Variants in GNG2 observed in about 807,000 individuals in gnomAD.
GNG2 encodes the protein G protein subunit gamma 2.
GNG2 carries 5 observed loss-of-function variants against 5.5 expected under a neutral mutation model. The observed-to-expected ratio is 0.91, with a 90% CI of 0.48 to 1.92. GNG2 has a LOEUF of 1.92. GNG2 is among the 30% of genes most tolerant of loss of function. GNG2 has a pLI of 0.01. For missense variants in GNG2, 55 were observed against 88.4 expected (o/e 0.62, Z 1.52); for synonymous variants, 28 against 32.0 (o/e 0.88, Z 0.42).
At chr14:51,879,106 G>A (rs1387084213) in intron 2 of GNG2, among the ~76,000 whole-genome samples, 4 of 152,202 alleles carry the variant, frequency 2.6e-5, no homozygotes, top group African/African-American at 4.8e-5. Flanking sequence ...GTGAACTACC[G>A]TGTCTTTGCA....
Position 51,879,291 on chromosome 14 carries a change from G to A in GNG2, c.-30+1634G>A, listed in dbSNP as rs998600645. ...GTAAAAGGAAGTATTGTTCTGTACT[G>A]TCAGGGGGATTTTGAGTATATTTGG... On this transcript the variant is annotated intron_variant, in intron 2 of 3. Coordinates refer to ENST00000556766, the MANE Select transcript of GNG2 (RefSeq NM_053064.5). 2.6e-5 allele frequency among the ~76,000 whole-genome samples: 4 copies of A among 152,194 alleles called. No homozygotes were observed. In the South Asian group the frequency reaches 8.3e-4, roughly 32 times the overall value.
intron 2 of GNG2, among the ~76,000 whole-genome samples, chr14:51,935,743 G>A (rs1257511485): frequency 6.6e-6 from 1 of 152,092 alleles, no homozygotes; most frequent in Non-Finnish European, 1.5e-5. Context: ...AGGAAGCCTG[G>A]CACCGGCATC....
intron 2 of GNG2, among the ~76,000 whole-genome samples, chr14:51,847,670 T>TGAG (rs1401375162): frequency 2.0e-4 from 31 of 151,978 alleles, no homozygotes; most frequent in Non-Finnish European, 8.8e-5. Context: ...CGGGTTGAGT[T>TGAG]TTATCACAGA....
At chr14:51,844,444 A>G (rs907741740) in intron 2 of GNG2, among the ~76,000 whole-genome samples, 10 of 152,018 alleles carry the variant, frequency 6.6e-5, no homozygotes. Flanking sequence ...GAGTTTCTCT[A>G]AGTCATTGTT....
chr14:51,923,405 T>G (rs1887130298), intron 2 of GNG2, among the ~76,000 whole-genome samples: 2 of 152,076 alleles, frequency 1.3e-5, no homozygotes, highest in African/African-American at 4.8e-5. Flanking sequence ...ACTGTGAAAT[T>G]GGATGGTTAG....
intron 3 of GNG2, among the ~76,000 whole-genome samples, chr14:51,965,706 A>G (rs746362678): frequency 2.0e-4 from 30 of 152,210 alleles, no homozygotes; most frequent in Non-Finnish European, 3.5e-4. Context: ...CTCCTGCTGC[A>G]TCTGCTTAAA....
intron 2 of GNG2, among the ~76,000 whole-genome samples, chr14:51,892,499 A>G (rs866322518): frequency 2.0e-5 from 3 of 152,144 alleles, no homozygotes; most frequent in African/African-American, 2.4e-5. Flanking sequence ...CGGTTTTGCC[A>G]TGTTGGCCAG....
At chr14:51,921,223 C>T (rs1886998172) in intron 2 of GNG2, among the ~76,000 whole-genome samples, 1 of 152,102 alleles carries the variant, frequency 6.6e-6, no homozygotes, top group Non-Finnish European at 1.5e-5. Flanking sequence ...GCCTCCCGTT[C>T]CAAAACTGTA....
At chr14:51,892,189 A>C (rs1472550695) in intron 2 of GNG2, among the ~76,000 whole-genome samples, 1 of 152,210 alleles carries the variant, frequency 6.6e-6, no homozygotes, top group African/African-American at 2.4e-5. Context: ...TTGGTGAAAG[A>C]GACAAGGACG....
At chr14:51,929,798 G>A (rs1041879792) in intron 2 of GNG2, among the ~76,000 whole-genome samples, 2 of 152,138 alleles carry the variant, frequency 1.3e-5, no homozygotes, top group Non-Finnish European at 2.9e-5. Flanking sequence ...GGCTGGCGTC[G>A]AGAGAAGAGG....
At chr14:51,916,258 T>G (rs1440538106) in intron 2 of GNG2, 1 of 269,276 alleles carries the variant, frequency 3.7e-6, no homozygotes, top group Admixed American at 5.5e-5. Flanking sequence ...AGCCATATTT[T>G]ACATCTATTA....
intron 2 of GNG2, chr14:51,939,730 G>A (rs1664345696): frequency 6.6e-6 from 1 of 152,024 alleles, no homozygotes; most frequent in Non-Finnish European, 1.5e-5. Context: ...TTTGGTTGTT[G>A]GGGTTTCCAC....
intron 2 of GNG2, among the ~76,000 whole-genome samples, chr14:51,935,347 C>T (rs1244357702): frequency 6.6e-6 from 1 of 152,166 alleles, no homozygotes; most frequent in East Asian, 1.9e-4. Flanking sequence ...TTTAAGCTTA[C>T]TGCATCAGAA....
chr14:51,905,374 G>A (rs922613472), intron 2 of GNG2, among the ~76,000 whole-genome samples: 5 of 152,058 alleles, frequency 3.3e-5, no homozygotes, highest in East Asian at 3.8e-4. Flanking sequence ...CCATATAAAC[G>A]AAAACTACAG....
intron 2 of GNG2, among the ~76,000 whole-genome samples, chr14:51,848,720 C>T (rs1881759138): frequency 6.6e-6 from 1 of 152,166 alleles, no homozygotes; most frequent in Admixed American, 6.5e-5. Context: ...AAACCAACAG[C>T]AAGATCTGAT....
chr14:51,956,892 C>A (rs11157867), intron 3 of GNG2, among the ~76,000 whole-genome samples: 2,400 of 152,206 alleles, frequency 0.016, 78 homozygotes, highest in African/African-American at 0.054. Context: ...TCCTTACTGA[C>A]AACTGCTTCA....
chr14:51,966,785 G>C lies in GNG2; in HGVS notation c.*98G>C, dbSNP rs1889944568. 3.8e-6 allele frequency: 4 copies of C among 1,047,270 alleles called. No homozygotes were observed. In the African/African-American group the frequency reaches 4.7e-5, roughly 12 times the overall value. 64.9% of individuals were successfully genotyped at this position (1,047,270 alleles called of 1,614,324 possible). A position where few individuals can be genotyped will look rare whatever the true frequency, so the allele number is the denominator to read the frequency against. On this transcript the variant is annotated 3_prime_UTR_variant, in exon 4 of 4. Transcript: ENST00000556766. Reference sequence around the variant, plus strand: ...CTTTCTAGTCCACGGCATTTGAAGAGAGCGAGGAGAACCATTCTGGAAACT... The same window carrying C: ...CTTTCTAGTCCACGGCATTTGAAGACAGCGAGGAGAACCATTCTGGAAACT...
chr14:51,854,743 C>T (rs1882074898), intron 2 of GNG2, among the ~76,000 whole-genome samples: 1 of 152,122 alleles, frequency 6.6e-6, no homozygotes, highest in Non-Finnish European at 1.5e-5. Context: ...AAACCCCTGA[C>T]CTCAAGTGAT....
At chr14:51,960,854 A>G (rs4633613) in intron 3 of GNG2, among the ~76,000 whole-genome samples, 16,111 of 152,072 alleles carry the variant, frequency 0.11, 1,602 homozygotes, top group East Asian at 0.38. Context: ...GATCTCCAGG[A>G]TTGTTTTACT....
Sources: gnomAD v4.1 joint callset for allele counts (sites outside exome capture counted in the v4.1 genomes callset) on GRCh38, gnomAD v4.1.1 for gene constraint, MANE v1.5 for transcripts, NCBI Gene and HGNC (gene_info 2026-07-23, HGNC 2026-07-21) for gene names.